Variants in OR3A2 observed in about 807,000 individuals in gnomAD.
OR3A2 encodes olfactory receptor 3A2.
For synonymous variants in OR3A2, 126 were observed against 159.3 expected (o/e 0.79, Z 1.57); for missense variants, 318 against 392.8 (o/e 0.81, Z 1.61).
chr17:3,330,852 G>A (rs371453639), intron 3 of OR3A2, among the ~76,000 whole-genome samples: 41 of 151,954 alleles, frequency 2.7e-4, no homozygotes, highest in South Asian at 8.4e-4. Context: ...AGCTGGTACC[G>A]GTTGTTCCTT....
chr17:3,378,794 A>G (rs375612649), intron 2 of OR3A2, among the ~76,000 whole-genome samples: 7 of 152,270 alleles, frequency 4.6e-5, no homozygotes, highest in East Asian at 3.9e-4. Flanking sequence ...TTCTCCCTGA[A>G]CACTCAAGCC....
chr17:3,322,991 T>C (rs111574289), intron 3 of OR3A2, among the ~76,000 whole-genome samples: 1 of 152,106 alleles, frequency 6.6e-6, no homozygotes, highest in African/African-American at 2.4e-5. Flanking sequence ...CCCATTATTA[T>C]TGTGTGGGAG....
intron 3 of OR3A2, among the ~76,000 whole-genome samples, chr17:3,316,886 G>A (rs2049085887): frequency 6.6e-6 from 1 of 152,208 alleles, no homozygotes; most frequent in Non-Finnish European, 1.5e-5. Context: ...GGAGATCAAA[G>A]TTTTAATTCA....
intron 2 of OR3A2, among the ~76,000 whole-genome samples, chr17:3,371,837 C>G (rs1380120495): frequency 2.8e-5 from 4 of 140,848 alleles, no homozygotes; most frequent in Admixed American, 1.4e-4. Context: ...ACCTCCCCAC[C>G]ACCTCCCGCC....
At chr17:3,315,774 TGAGTAGTAAGA>T (rs2049078227) in intron 3 of OR3A2, among the ~76,000 whole-genome samples, 1 of 30,058 alleles carries the variant, frequency 3.3e-5, no homozygotes, top group African/African-American at 2.2e-4. Context: ...GGTAGTAAGA[TGAGTAGTAAGA>T]TGAGTCTACT....
chr17:3,280,337 T>C (rs1020931477), intron 1 of OR3A2, among the ~76,000 whole-genome samples: 4 of 151,790 alleles, frequency 2.6e-5, no homozygotes, highest in African/African-American at 9.7e-5. Context: ...AGTGGCGCGA[T>C]CTCGGCTCAC....
chr17:3,310,723 G>C (rs138571752), intron 3 of OR3A2: 1 of 547,446 alleles, frequency 1.8e-6, no homozygotes, highest in Non-Finnish European at 3.7e-6. Flanking sequence ...TACAGCAGCC[G>C]CATGAGCTGG....
intron 3 of OR3A2, among the ~76,000 whole-genome samples, chr17:3,317,787 T>C (rs544107380): frequency 1.3e-5 from 2 of 152,218 alleles, no homozygotes; most frequent in South Asian, 4.2e-4. Flanking sequence ...GCCCTCTCTC[T>C]AACAAAAGCC....
intron 2 of OR3A2, among the ~76,000 whole-genome samples, chr17:3,341,403 G>A (rs1032318038): frequency 2.6e-5 from 4 of 152,126 alleles, no homozygotes; most frequent in Admixed American, 6.5e-5. Context: ...GGCTAGTACC[G>A]GTTTTTCCTT....
chr17:3,331,628 C>T (rs1015182329), intron 3 of OR3A2, among the ~76,000 whole-genome samples: 1 of 151,852 alleles, frequency 6.6e-6, no homozygotes, highest in African/African-American at 2.4e-5. Flanking sequence ...AAATTTCTTT[C>T]AAAGTTTTCA....
intron 2 of OR3A2, among the ~76,000 whole-genome samples, chr17:3,353,880 A>G (rs912306011): frequency 2.7e-5 from 4 of 149,714 alleles, no homozygotes; most frequent in Non-Finnish European, 5.9e-5. Context: ...TAGTCACCCC[A>G]CTGTGCTATC....
chr17:3,358,004 G>T (rs955735557), intron 2 of OR3A2, among the ~76,000 whole-genome samples: 3 of 151,636 alleles, frequency 2.0e-5, no homozygotes, highest in Admixed American at 2.0e-4. Flanking sequence ...TGAAGCCTCT[G>T]GACTTGGAGC....
chr17:3,371,488 C>T (rs1250309986), intron 2 of OR3A2, among the ~76,000 whole-genome samples: 1 of 145,226 alleles, frequency 6.9e-6, no homozygotes, highest in Non-Finnish European at 1.5e-5. Context: ...CCCCACCTCC[C>T]TCCCGGATGG....
chr17:3,292,489 C>T (rs187587075), intron 3 of OR3A2: 1 of 1,613,606 alleles, frequency 6.2e-7, no homozygotes, highest in Admixed American at 1.7e-5. Flanking sequence ...AGGAAGAGCA[C>T]AAAGACAACT....
chr17:3,318,386 T>G (rs1376177229), intron 3 of OR3A2, among the ~76,000 whole-genome samples: 1 of 152,220 alleles, frequency 6.6e-6, no homozygotes, highest in African/African-American at 2.4e-5. Context: ...AGTACTTTTG[T>G]TAGCAAGACT....
intron 3 of OR3A2, chr17:3,291,325 A>G (rs1450375157): frequency 7.5e-6 from 2 of 268,028 alleles, no homozygotes; most frequent in Admixed American, 9.4e-5. Context: ...CCAACCAAAG[A>G]GTCATTCCTT....
chr17:3,375,952 G>T (rs2049679475), intron 2 of OR3A2, among the ~76,000 whole-genome samples: 1 of 152,206 alleles, frequency 6.6e-6, no homozygotes, highest in Admixed American at 6.5e-5. Flanking sequence ...GATGTGATCT[G>T]TCTTCAGGTC....
At chr17:3,364,993 CTTTT>C (rs138273547) in intron 2 of OR3A2, among the ~76,000 whole-genome samples, 1 of 151,358 alleles carries the variant, frequency 6.6e-6, no homozygotes, top group African/African-American at 2.4e-5. Flanking sequence ...ATAGAGAATG[CTTTT>C]TTTAAGTTAG....
At chr17:3,341,843 A>G (rs2049321798) in intron 2 of OR3A2, among the ~76,000 whole-genome samples, 1 of 152,054 alleles carries the variant, frequency 6.6e-6, no homozygotes, top group South Asian at 2.1e-4. Flanking sequence ...CTCCTGGATA[A>G]TATCTTGAAG....
Sources: allele counts gnomAD v4.1 joint callset (sites outside exome capture counted in the v4.1 genomes callset), GRCh38; gene constraint gnomAD v4.1.1; transcripts MANE v1.5; gene names NCBI Gene and HGNC (gene_info 2026-07-23, HGNC 2026-07-21).